CASQ2: variants seen among roughly 807,000 people sequenced by gnomAD.
CASQ2 encodes the protein calsequestrin-2.
In CASQ2, 49 loss-of-function variants were observed where a neutral mutation model predicts 46.5. That is an observed-to-expected ratio of 1.05 (90% CI 0.84 to 1.34). The LOEUF is 1.34. Among genes scored for constraint, CASQ2 ranks in the 40% most tolerant of loss-of-function variants. The pLI is 0.00. For synonymous variants in CASQ2, 174 were observed against 168.5 expected, an observed-to-expected ratio of 1.03 and a Z score of -0.25; for missense variants, 486 against 481.3, an observed-to-expected ratio of 1.01 and a Z score of -0.09.
chr1:115,708,451 A>C (rs3923977), intron 8 of CASQ2, among the ~76,000 whole-genome samples: 95,459 of 152,006 alleles, frequency 0.63, 31,423 homozygotes, highest in African/African-American at 0.83. Context: ...GTCAGCCCAG[A>C]ATGGCCCTTA....
chr1:115,731,017 A>G (rs1186200311), intron 5 of CASQ2, among the ~76,000 whole-genome samples: 1 of 151,910 alleles, frequency 6.6e-6, no homozygotes, highest in African/African-American at 2.4e-5. Flanking sequence ...CACCCCCTCC[A>G]CCCCAACTGA....
At position 115,761,470 on chromosome 1, in the gene CASQ2, A is replaced by AAGG. The variant is rs1648947628; in HGVS notation, c.234+6837_234+6838insCCT. Among the ~76,000 whole-genome samples, 8 of 6,326 alleles carry AAGG rather than the reference A, an allele frequency of 1.3e-3. 1 individual carries two copies. The highest frequency in any genetic ancestry group is 7.1e-3 in the East Asian group (1 of 140). The allele number at this position is 6,326 out of a possible 152,430, so 4.2% of individuals were successfully genotyped here. ...GAAGAAGAAGAAGAAGAAGGAGAAG[A>AAGG]AGAAGAAGAAGAAGAAGGAGAAGAA... On this transcript the variant is annotated intron_variant, in intron 1 of 10. Transcript: ENST00000261448.
chr1:115,759,778 T>A (rs1329250072), intron 1 of CASQ2, among the ~76,000 whole-genome samples: 1 of 152,248 alleles, frequency 6.6e-6, no homozygotes, highest in African/African-American at 2.4e-5. Flanking sequence ...AACATCTTAA[T>A]ATCCCACTTC....
chr1:115,721,543 T>C (rs577261779), intron 7 of CASQ2, among the ~76,000 whole-genome samples: 2 of 152,256 alleles, frequency 1.3e-5, no homozygotes, highest in Admixed American at 6.5e-5. Flanking sequence ...GGGAAGTAGA[T>C]GTCTGGGGAA....
intron 2 of CASQ2, among the ~76,000 whole-genome samples, chr1:115,744,420 T>A (rs1189620554): frequency 6.6e-6 from 1 of 152,204 alleles, no homozygotes; most frequent in African/African-American, 2.4e-5. Flanking sequence ...CTGTCTTTTG[T>A]TGGCTGCTTC....
chr1:115,727,075 C>T lies in CASQ2; in HGVS notation c.654G>A (p.Glu218=), dbSNP rs772140423. 6.2e-7 allele frequency: 1 copy of T among 1,613,236 alleles called. No individual in the cohort carries two copies. The highest frequency in any genetic ancestry group is 1.7e-5 in the Admixed American group (1 of 60,000). ...TGGCAATGGGCTCATCCATAAATGG[C>T]TCATAGAAGTCAACCTCATTCATCT... ...SLKMNEVDFY[E]PFMDEPIAIP... is the part of the protein sequence containing the mutation. Residue 218 remains glutamate, a synonymous_variant, in exon 6 of 11, where the codon GAG becomes GAA. Coordinates refer to ENST00000261448, the MANE Select transcript of CASQ2 (RefSeq NM_001232.4).
chr1:115,746,543 A>G (rs10733095), intron 1 of CASQ2, among the ~76,000 whole-genome samples: 41,607 of 152,008 alleles, frequency 0.27, 6,094 homozygotes, highest in East Asian at 0.43. Context: ...ATGTAGTGCT[A>G]TCTCATTGTG....
chr1:115,751,147 T>C (rs559087036), intron 1 of CASQ2, among the ~76,000 whole-genome samples: 5 of 152,384 alleles, frequency 3.3e-5, no homozygotes, highest in Admixed American at 2.0e-4. Flanking sequence ...TTGGCACAGT[T>C]CTTGGCATGC....
At position 115,701,259 on chromosome 1, in the gene CASQ2, A is replaced by C. The variant is rs756032036; in HGVS notation, c.1182T>G (p.Asp394Glu). 1 of 1,608,032 alleles carries C rather than the reference A, an allele frequency of 6.2e-7. No individual in the cohort carries two copies. The highest frequency in any genetic ancestry group is 1.1e-5 in the South Asian group (1 of 90,898). Residue 394 changes from aspartate to glutamate, a missense_variant, in exon 11 of 11, where the codon GAT becomes GAG. Physicochemically the swap from Asp to Glu is conservative, Grantham distance 45. Transcript: ENST00000261448. ...AGTTGGGCTATTCATCATCATCGTC[A>C]TCACTGTCATCATTATCCTCTTCAT... ...NSDEEDNDDS[D>E]DDDDE
At chr1:115,701,734 G>A (rs1429699221) in intron 10 of CASQ2, among the ~76,000 whole-genome samples, 1 of 152,132 alleles carries the variant, frequency 6.6e-6, no homozygotes, top group Non-Finnish European at 1.5e-5. Context: ...CAGGGGAGTA[G>A]GAAATACTTT....
chr1:115,719,568 C>G (rs1025291409), intron 7 of CASQ2, among the ~76,000 whole-genome samples: 4 of 152,236 alleles, frequency 2.6e-5, no homozygotes, highest in African/African-American at 9.6e-5. Flanking sequence ...AGCACTGTCA[C>G]CAAGGGAAAG....
intron 4 of CASQ2, among the ~76,000 whole-genome samples, chr1:115,733,613 G>A (rs1201973164): frequency 6.6e-6 from 1 of 152,190 alleles, no homozygotes; most frequent in Non-Finnish European, 1.5e-5. Flanking sequence ...GAGGCAGTAT[G>A]AGATCAGGTG....
chr1:115,736,425 T>G (rs1386048652), intron 4 of CASQ2, among the ~76,000 whole-genome samples: 2 of 151,950 alleles, frequency 1.3e-5, no homozygotes, highest in African/African-American at 4.8e-5. Flanking sequence ...TCACTTGAGG[T>G]CAGGAGTTCA....
intron 1 of CASQ2, among the ~76,000 whole-genome samples, chr1:115,752,261 A>G (rs1010126131): frequency 2.0e-5 from 3 of 152,190 alleles, no homozygotes; most frequent in African/African-American, 7.2e-5. Context: ...TTTCCTTTGC[A>G]ACCATTTCAC....
chr1:115,716,969 G>A (rs996218814), intron 8 of CASQ2, among the ~76,000 whole-genome samples: 2 of 152,184 alleles, frequency 1.3e-5, no homozygotes, highest in African/African-American at 4.8e-5. Flanking sequence ...TGATTGGATC[G>A]TGGGGGTGGT....
intron 1 of CASQ2, among the ~76,000 whole-genome samples, chr1:115,750,130 C>T (rs988962330): frequency 1.3e-5 from 2 of 152,198 alleles, no homozygotes; most frequent in Admixed American, 1.3e-4. Flanking sequence ...TTCACAAGTT[C>T]AAGGGCCTTG....
chr1:115,713,793 T>C (rs1250997030), intron 8 of CASQ2, among the ~76,000 whole-genome samples: 1 of 152,188 alleles, frequency 6.6e-6, no homozygotes, highest in Non-Finnish European at 1.5e-5. Context: ...CTGCACTGGC[T>C]GGGGCATTGT....
At chr1:115,760,147 CTCCAAATTAGAGCTATACTGACAGT>C (rs1265047275) in intron 1 of CASQ2, among the ~76,000 whole-genome samples, 3 of 152,132 alleles carry the variant, frequency 2.0e-5, no homozygotes, top group African/African-American at 7.2e-5. Flanking sequence ...CCCAGCGACT[CTCCAAATTAGAGCTATACTGACAGT>C]TCCAACACCA....
intron 1 of CASQ2, among the ~76,000 whole-genome samples, chr1:115,747,360 G>T (rs1001375761): frequency 3.9e-5 from 6 of 152,170 alleles, no homozygotes; most frequent in Non-Finnish European, 7.3e-5. Context: ...ACACCACATA[G>T]TCTTGATTGC....
Sources: allele counts gnomAD v4.1 joint callset (sites outside exome capture counted in the v4.1 genomes callset), GRCh38; gene constraint gnomAD v4.1.1; transcripts MANE v1.5; gene names NCBI Gene and HGNC (gene_info 2026-07-23, HGNC 2026-07-21).